The following HMSD variants were observed in gnomAD, a reference collection of about 807,000 sequenced individuals.
The protein encoded by HMSD is serpin-like protein HMSD.
Under a neutral mutation model 10.0 loss-of-function variants are expected in HMSD, and 13 were observed. The ratio of observed to expected loss-of-function variants is 1.31; its 90% CI spans 0.85 to 2.08. The LOEUF is 2.08. Ranked by LOEUF, HMSD falls within the 30% of genes most tolerant of loss-of-function variation. The probability of loss-of-function intolerance (pLI) is 0.00; values close to 1 mark genes in which losing one functional copy is unlikely to be tolerated. For synonymous variants in HMSD, 51 were observed against 54.2 expected (o/e 0.94, Z 0.26); for missense variants, 169 against 166.3 (o/e 1.02, Z -0.09).
chr18:63,969,077 C>A (rs1217311402), intron 3 of HMSD, among the ~76,000 whole-genome samples: 2 of 152,130 alleles, frequency 1.3e-5, no homozygotes, highest in Non-Finnish European at 2.9e-5. Flanking sequence ...GAGCTTCCTG[C>A]AGGAGACATT....
In HMSD at chr18:63,953,492, G is replaced by C. The variant is rs765805337; in HGVS notation, c.37G>C (p.Gly13Arg). The C allele has an allele frequency of 1.9e-6, 3 of 1,613,822 alleles. No homozygotes were observed. Among genetic ancestry groups the C allele is most frequent in the Non-Finnish European group, 1.7e-6 (2 of 1,179,828 alleles). ...ATCAGCCTTGGCCATGGTTTTCATG[G>C]GGGCAAAGGGAAACACTGCAGCTCA... ...ISSALAMVFM[G>R]AKGNTAAQMS... Residue 13 changes from glycine to arginine, a missense_variant, in exon 2 of 4, where the codon GGG becomes CGG. By Grantham distance (125) the Gly-to-Arg change is moderately radical (BLOSUM62 -2). Transcript: ENST00000408945.
At chr18:63,963,123 TTC>T (rs1434935293), downstream of HMSD, among the ~76,000 whole-genome samples, 5 of 139,826 alleles carry the variant, frequency 3.6e-5, no homozygotes, top group Non-Finnish European at 6.3e-5. Context: ...CTTTCTTTCT[TTC>T]TTTCTTTCCT....
At position 63,954,453 on chromosome 18, in the gene HMSD, C is replaced by T. The variant is rs761923017; in HGVS notation, c.118C>T (p.Arg40Ter). 3.8e-5 allele frequency: 62 copies of T among 1,610,746 alleles called. No individual in the cohort carries two copies. The East Asian group carries it at 6.9e-4, about 18-fold the overall frequency. Residue 40 changes from arginine to a stop codon, truncating the protein, a stop_gained, in exon 3 of 4, where the codon CGA (arginine) becomes TGA (stop). Coordinates refer to ENST00000408945, the MANE Select transcript of HMSD (RefSeq NM_001123366.2). LOFTEE classifies it high-confidence loss of function. ...KIGGEDGDIH[R>*]GFQSLLVAIN... Reference sequence around the variant, plus strand: ...CGGAGGTGAAGATGGAGATATTCATCGAGGTTTTCAGTCACTTCTTGTTGC... The same window carrying T: ...CGGAGGTGAAGATGGAGATATTCATTGAGGTTTTCAGTCACTTCTTGTTGC...
intron 1 of HMSD, among the ~76,000 whole-genome samples, chr18:63,951,211 A>C (rs2050328631): frequency 6.6e-6 from 1 of 152,222 alleles, no homozygotes; most frequent in Non-Finnish European, 1.5e-5. Context: ...TACATCTTTA[A>C]AACATCTGAT....
At chr18:63,963,308 C>T (rs1262918123), downstream of HMSD, among the ~76,000 whole-genome samples, 2 of 151,428 alleles carry the variant, frequency 1.3e-5, no homozygotes, top group Admixed American at 1.3e-4. Context: ...GCTCTGTCAC[C>T]CAGGCTGGAG....
At chr18:63,956,798 A>G (rs1176200472) in intron 3 of HMSD, among the ~76,000 whole-genome samples, 1 of 152,244 alleles carries the variant, frequency 6.6e-6, no homozygotes, top group Non-Finnish European at 1.5e-5. Context: ...ACTATTCACA[A>G]TGGCAAAAAC....
rs1026826968 is a variant in HMSD, at chr18:63,960,223, T to A, written c.288T>A (p.Asp96Glu). 16 of 1,613,586 alleles carry A rather than the reference T, an allele frequency of 9.9e-6. No homozygotes were observed. Among genetic ancestry groups the A allele is most frequent in the Non-Finnish European group, 1.3e-5 (15 of 1,179,808 alleles). ...TAAAACAGCTAGACTTTGTGAATGA[T>A]ACAGAGAAGTCCACAACACGTGTAA... is the stretch of plus-strand genomic sequence containing the variant. ...ATIKQLDFVN[D>E]TEKSTTRVNS... Residue 96 changes from aspartate (D) to glutamate (E), a missense_variant, in exon 4 of 4, where the codon GAT becomes GAA. By Grantham distance (45) the Asp-to-Glu change is conservative. Transcript: ENST00000408945.
Position 63,958,125 on chromosome 18 carries a change from G to A in HMSD, c.223-2033G>A, listed in dbSNP as rs529955793. Among the ~76,000 whole-genome samples, 9 of 152,256 alleles carry A rather than the reference G, an allele frequency of 5.9e-5. No homozygotes were observed. The East Asian group carries it at 1.7e-3, about 29-fold the overall frequency. Reference sequence around the variant, plus strand: ...GCAATTTTGGAAAAGCATGAATTATGGGAGGATTAAGTGAAATAGTGTACA... The same window carrying A: ...GCAATTTTGGAAAAGCATGAATTATAGGAGGATTAAGTGAAATAGTGTACA... On this transcript the variant is annotated intron_variant, in intron 3 of 3. Coordinates refer to ENST00000408945, the MANE Select transcript of HMSD (RefSeq NM_001123366.2).
At chr18:63,954,652 A>G (rs188421799) in intron 3 of HMSD, 95 bp downstream of exon 3, 1 of 1,018,244 alleles carries the variant, frequency 9.8e-7, no homozygotes, top group African/African-American at 1.6e-5. Flanking sequence ...GGTGGTCCTG[A>G]ACTCAGAACT....
At chr18:63,962,198 G>T (rs1440276967), downstream of HMSD, among the ~76,000 whole-genome samples, 1 of 152,220 alleles carries the variant, frequency 6.6e-6, no homozygotes, top group Non-Finnish European at 1.5e-5. Context: ...AGACTCAGAA[G>T]TTAAGTAGCT....
intron 3 of HMSD, chr18:63,969,226 T>G (rs1002419141): frequency 6.6e-6 from 1 of 152,264 alleles, no homozygotes. Context: ...AGGCTTACAC[T>G]CCTTGCTCAA....
chr18:63,965,754 T>C (rs2050406822), downstream of HMSD, among the ~76,000 whole-genome samples: 1 of 152,238 alleles, frequency 6.6e-6, no homozygotes, highest in South Asian at 2.1e-4. Flanking sequence ...TACCTGAGGC[T>C]GGGTAGTTTA....
chr18:63,963,415 G>A (rs1289116576), downstream of HMSD, among the ~76,000 whole-genome samples: 1 of 151,858 alleles, frequency 6.6e-6, no homozygotes, highest in Non-Finnish European at 1.5e-5. Flanking sequence ...ATTTTTAGTA[G>A]AGACGGGGTT....
In HMSD at chr18:63,961,210, T is replaced by TTTC. The variant is rs1555709884; in HGVS notation, c.*856_*857insTCT. ...CCAAGCAGGAGGGTGTTTTTTTTTT[T>TTTC]TCTTTCCTGGAATGAGGATAATCAA... On this transcript the variant is annotated 3_prime_UTR_variant, in exon 4 of 4. Transcript: ENST00000408945. The TTTC allele has an allele frequency of 6.6e-6, 1 of 150,492 alleles. No homozygotes were observed. Among genetic ancestry groups the TTTC allele is most frequent in the Non-Finnish European group, 1.5e-5 (1 of 67,734 alleles). The allele number at this position is 150,492 out of a possible 1,614,324, so 9.3% of individuals were successfully genotyped here. A position where few individuals can be genotyped will look rare whatever the true frequency, so the allele number is the denominator to read the frequency against.
intron 2 of HMSD, among the ~76,000 whole-genome samples, chr18:63,953,800 T>C (rs988778677): frequency 1.3e-5 from 2 of 152,206 alleles, no homozygotes; most frequent in African/African-American, 4.8e-5. Context: ...TTCTGGCTAG[T>C]GGATGGGCCC....
In HMSD at chr18:63,950,102, C is replaced by A. The variant is rs2050321289; in HGVS notation, c.-103+702C>A. On this transcript the variant is annotated intron_variant, in intron 1 of 3. Coordinates refer to ENST00000408945, the MANE Select transcript of HMSD (RefSeq NM_001123366.2). ...TGTTACAACAAAGCCAAGAAAGAGTCCTTTAGTAAATTCAGATAAAACAAG... is the reference window on the plus strand; with the variant it reads ...TGTTACAACAAAGCCAAGAAAGAGTACTTTAGTAAATTCAGATAAAACAAG... 2.0e-5 allele frequency among the ~76,000 whole-genome samples: 3 copies of A among 152,076 alleles called. No individual in the cohort carries two copies. The South Asian group carries it at 6.2e-4, about 31-fold the overall frequency.
chr18:63,964,742 C>T (rs1599114759), downstream of HMSD, among the ~76,000 whole-genome samples: 2 of 152,138 alleles, frequency 1.3e-5, no homozygotes, highest in African/African-American at 4.8e-5. Flanking sequence ...TTTAATGCCA[C>T]TAATTTCTTC....
At chr18:63,960,018 G>C (rs114535947) in intron 3 of HMSD, 140 bp from the exon 4 acceptor site, 6 of 889,742 alleles carry the variant, frequency 6.7e-6, no homozygotes, top group Admixed American at 2.9e-5. Context: ...TGGACTTTAG[G>C]TTAATTCCTC....
chr18:63,954,888 T>A (rs1354241338), intron 3 of HMSD, among the ~76,000 whole-genome samples: 2 of 152,262 alleles, frequency 1.3e-5, no homozygotes, highest in African/African-American at 4.8e-5. Context: ...TTTCTATGCA[T>A]GATGACACTA....
Sources: gnomAD v4.1 joint callset for allele counts (sites outside exome capture counted in the v4.1 genomes callset) on GRCh38, gnomAD v4.1.1 for gene constraint, MANE v1.5 for transcripts, NCBI Gene and HGNC (gene_info 2026-07-23, HGNC 2026-07-21) for gene names.